Variants in MAPK11 observed in about 807,000 individuals in gnomAD.
The protein encoded by MAPK11 is mitogen-activated protein kinase 11.
Under a neutral mutation model 52.2 loss-of-function variants are expected in MAPK11, and 44 were observed. The ratio of observed to expected loss-of-function variants is 0.84; its 90% CI spans 0.66 to 1.08. The LOEUF (loss-of-function observed/expected upper bound fraction) is 1.08, where lower values mean the gene tolerates loss of function less well. MAPK11 is among the 50% of genes least tolerant of loss of function. The probability of loss-of-function intolerance (pLI) is 0.00; values close to 1 mark genes in which losing one functional copy is unlikely to be tolerated. For synonymous variants in MAPK11, 233 were observed against 206.3 expected (o/e 1.13, Z -1.11); for missense variants, 436 against 494.7 (o/e 0.88, Z 1.13).
intron 7 of MAPK11, 51 bp from the exon 8 acceptor site, chr22:50,266,662 C>G (rs752752111): frequency 1.3e-6 from 2 of 1,531,578 alleles, no homozygotes; most frequent in Admixed American, 3.5e-5. Flanking sequence ...CACGTCCCTC[C>G]TCCAGGAGAC....
intron 7 of MAPK11, 28 bp from the exon 8 acceptor site, chr22:50,266,639 A>G (rs1418819327): frequency 3.2e-6 from 5 of 1,569,708 alleles, no homozygotes; most frequent in Non-Finnish European, 4.3e-6. Flanking sequence ...GACCTCCATC[A>G]GTGTGCCCAC....
intron 1 of MAPK11, among the ~76,000 whole-genome samples, chr22:50,269,128 T>C (rs1292636481): frequency 1.3e-5 from 2 of 152,074 alleles, no homozygotes; most frequent in Admixed American, 6.5e-5. Flanking sequence ...TAGTCCCCTA[T>C]GGCCACTCCC....
chr22:50,267,785 A>G, intron 2 of MAPK11, 35 bp downstream of exon 2: 2 of 1,106,264 alleles, frequency 1.8e-6, no homozygotes, highest in Non-Finnish European at 2.5e-6. Flanking sequence ...CCGCCCCCGC[A>G]CGCGCCCTCC....
At chr22:50,266,635 C>T (rs2065264335) in intron 7 of MAPK11, 24 bp from the exon 8 acceptor site, 2 of 1,570,596 alleles carry the variant, frequency 1.3e-6, no homozygotes, top group Non-Finnish European at 1.7e-6. Context: ...AGGGGACCTC[C>T]ATCAGTGTGC....
At position 50,267,056 on chromosome 22, in the gene MAPK11, G is replaced by C. The variant is rs777069815; in HGVS notation, c.496-8C>G. The C allele has an allele frequency of 6.2e-7, 1 of 1,611,518 alleles. No individual in the cohort carries two copies. The highest frequency in any genetic ancestry group is 1.1e-5 in the South Asian group (1 of 91,032). On this transcript the variant is annotated splice_region_variant and splice_polypyrimidine_tract_variant and intron_variant, in intron 6 of 11. Transcript: ENST00000330651. ...CAGCCCAAAATCCAGGATCTGGGGCGACCACGTGGTGTTCTCAAGCTCCGC... is the reference window on the plus strand; with the variant it reads ...CAGCCCAAAATCCAGGATCTGGGGCCACCACGTGGTGTTCTCAAGCTCCGC...
intron 8 of MAPK11, 56 bp downstream of exon 8, chr22:50,266,484 C>T: frequency 1.3e-6 from 2 of 1,489,206 alleles, no homozygotes; most frequent in East Asian, 4.6e-5. Flanking sequence ...GCGCTGGTCC[C>T]TACCCTACAG....
In MAPK11 at chr22:50,264,541, C is replaced by T. The variant is rs2072877; in HGVS notation, c.*407G>A. On this transcript the variant is annotated 3_prime_UTR_variant, in exon 12 of 12. Coordinates refer to ENST00000330651, the MANE Select transcript of MAPK11 (RefSeq NM_002751.7). The stretch of plus-strand genomic sequence containing the variant: ...CTCTCCCTTTGAGTCTCCCGGGGTC[C>T]CGGCCCCAGCGCGTCCTCCAGAAAG... 4,239 of 171,802 alleles carry T rather than the reference C, an allele frequency of 0.025. 98 individuals are homozygous for T. The highest frequency in any genetic ancestry group is 0.087 in the East Asian group (546 of 6,250). The allele number at this position is 171,802 out of a possible 1,614,324, so 10.6% of individuals were successfully genotyped here.
At chr22:50,266,418 G>C in intron 8 of MAPK11, 113 bp from the exon 9 acceptor site, 1 of 1,389,980 alleles carries the variant, frequency 7.2e-7, no homozygotes, top group East Asian at 2.4e-5. Context: ...AGGATGGCCA[G>C]CCCAAAGTAG....
chr22:50,270,206 C>G lies in MAPK11; in HGVS notation c.87G>C (p.Pro29=). The change falls in exon 1 of 12, where the codon CCG becomes CCC. Residue 29 remains proline, a synonymous_variant. Coordinates refer to ENST00000330651, the MANE Select transcript of MAPK11 (RefSeq NM_002751.7). This position sits in a 1 kb window ranked among gnomAD's most constrained non-coding sequence, Gnocchi z 6.3. ...EVPQRLQGLR[P]VGSGAYGSVC... Reference sequence around the variant, plus strand: ...CGGAGCCGTAGGCGCCGGAGCCCACCGGGCGCAGCCCCTGCAGCCGCTGCG... The same window carrying G: ...CGGAGCCGTAGGCGCCGGAGCCCACGGGGCGCAGCCCCTGCAGCCGCTGCG... 6.7e-7 allele frequency: 1 copy of G among 1,497,340 alleles called. No homozygotes were observed. 92.8% of individuals were successfully genotyped at this position (1,497,340 alleles called of 1,614,324 possible). A position where few individuals can be genotyped will look rare whatever the true frequency, so the allele number is the denominator to read the frequency against.
In MAPK11 at chr22:50,266,998, A is replaced by G; in HGVS notation, c.546T>C (p.Tyr182=). Reference sequence around the variant, plus strand: ...GTGCCCGGTACCAGCGCGTGGCCACATAGCCGGTCATCTCCTCGTCCGCCT... The same window carrying G: ...GTGCCCGGTACCAGCGCGTGGCCACGTAGCCGGTCATCTCCTCGTCCGCCT... ...ARQADEEMTG[Y]VATRWYRAPE... is the part of the protein sequence containing the mutation. The change falls in exon 7 of 12, where the codon TAT becomes TAC. Residue 182 remains tyrosine (Y), a synonymous_variant. Transcript: ENST00000330651. The G allele has an allele frequency of 6.2e-7, 1 of 1,612,688 alleles. No individual in the cohort carries two copies. The highest frequency in any genetic ancestry group is 8.5e-7 in the Non-Finnish European group (1 of 1,179,966).
chr22:50,270,164 G>A lies in MAPK11; in HGVS notation c.116+13C>T, dbSNP rs1242106448. ...CCGGCCCCCACCCAGCACCCCTTCTGCCCCGCCCCTACCAGACGGAGCCGT... is the reference window on the plus strand; with the variant it reads ...CCGGCCCCCACCCAGCACCCCTTCTACCCCGCCCCTACCAGACGGAGCCGT... On this transcript the variant is annotated intron_variant, in intron 1 of 11. Transcript: ENST00000330651. The surrounding 1 kb of genome is among the most constrained non-coding windows in gnomAD (Gnocchi z 6.3). 5 of 1,341,536 alleles carry A rather than the reference G, an allele frequency of 3.7e-6. No homozygotes were observed. The highest frequency in any genetic ancestry group is 4.9e-6 in the Non-Finnish European group (5 of 1,021,974). The allele number at this position is 1,341,536 out of a possible 1,614,324, so 83.1% of individuals were successfully genotyped here.
In MAPK11 at chr22:50,263,813, G is replaced by A. The variant is rs1490611327; in HGVS notation, c.*1135C>T. The A allele has an allele frequency of 6.6e-6, 1 of 152,464 alleles. No homozygotes were observed. Among genetic ancestry groups the A allele is most frequent in the Non-Finnish European group, 1.5e-5 (1 of 68,280 alleles). 9.4% of individuals were successfully genotyped at this position (152,464 alleles called of 1,614,324 possible). A position where few individuals can be genotyped will look rare whatever the true frequency, so the allele number is the denominator to read the frequency against. On this transcript the variant is annotated 3_prime_UTR_variant, in exon 12 of 12. Transcript: ENST00000330651. The stretch of plus-strand genomic sequence containing the variant: ...AAGAGGTCACCCCCTTTCCAGGGCA[G>A]AGCCACACCCCCAACTCAGCTCTGG...
intron 9 of MAPK11, 26 bp downstream of exon 9, chr22:50,266,199 GC>G: frequency 1.3e-6 from 2 of 1,544,146 alleles, no homozygotes; most frequent in South Asian, 2.4e-5. Context: ...AGGAGAGGGA[GC>G]TGCTGGCTGG....
intron 1 of MAPK11, among the ~76,000 whole-genome samples, chr22:50,268,396 C>G (rs2065283315): frequency 6.6e-6 from 1 of 152,206 alleles, no homozygotes; most frequent in South Asian, 2.1e-4. Context: ...AGAGCCACCT[C>G]AAAGCCCCTG....
Position 50,270,246 on chromosome 22 carries a change from G to A in MAPK11, c.47C>T (p.Thr16Ile). 1 of 1,489,934 alleles carries A rather than the reference G, an allele frequency of 6.7e-7. No homozygotes were observed. The highest frequency in any genetic ancestry group is 8.9e-7 in the Non-Finnish European group (1 of 1,123,290). 92.3% of individuals were successfully genotyped at this position (1,489,934 alleles called of 1,614,324 possible). A position where few individuals can be genotyped will look rare whatever the true frequency, so the allele number is the denominator to read the frequency against. The change falls in exon 1 of 12, where the codon ACC (threonine) becomes ATC (isoleucine). Residue 16 changes from threonine to isoleucine, a missense_variant. Thr to Ile is a moderately conservative substitution (Grantham distance 89). Coordinates refer to ENST00000330651, the MANE Select transcript of MAPK11 (RefSeq NM_002751.7). This position sits in a 1 kb window ranked among gnomAD's most constrained non-coding sequence, Gnocchi z 6.3. Reference sequence around the variant, plus strand: ...CAGCCGCTGCGGCACCTCCCACACGGTCTTGTTCAGCTCCTGCCGGTAGAA... The same window carrying A: ...CAGCCGCTGCGGCACCTCCCACACGATCTTGTTCAGCTCCTGCCGGTAGAA... Reference protein sequence around the residue: ...AGFYRQELNKTVWEVPQRLQG... With the variant: ...AGFYRQELNKIVWEVPQRLQG...
intron 1 of MAPK11, among the ~76,000 whole-genome samples, chr22:50,269,490 A>C (rs2065291004): frequency 1.3e-5 from 2 of 152,184 alleles, no homozygotes; most frequent in African/African-American, 4.8e-5. Context: ...TCAGCCTCCC[A>C]GTCAACATGG....
intron 1 of MAPK11, among the ~76,000 whole-genome samples, chr22:50,268,915 G>A (rs996569865): frequency 6.6e-6 from 1 of 152,158 alleles, no homozygotes; most frequent in Admixed American, 6.5e-5. Context: ...GGTGAGGGGA[G>A]TGGCCCTGCA....
chr22:50,266,495 G>T, intron 8 of MAPK11, 45 bp downstream of exon 8: 1 of 1,491,198 alleles, frequency 6.7e-7, no homozygotes, highest in South Asian at 1.3e-5. Context: ...TACCCTACAG[G>T]AGGGGCCCTG....
At chr22:50,267,331 C>T (rs1363221930) in intron 4 of MAPK11, 40 bp downstream of exon 4, 1 of 1,589,480 alleles carries the variant, frequency 6.3e-7, no homozygotes, top group Non-Finnish European at 8.6e-7. Context: ...GGCCCGCCCG[C>T]CCCCCTGCGA....
Sources: gnomAD v4.1 joint callset for allele counts (sites outside exome capture counted in the v4.1 genomes callset) on GRCh38, gnomAD v4.1.1 for gene constraint, Gnocchi (gnomAD v3.1) non-coding constraint, MANE v1.5 for transcripts, NCBI Gene and HGNC (gene_info 2026-07-23, HGNC 2026-07-21) for gene names.